SPAG17: variants seen among roughly 807,000 people sequenced by gnomAD.
SPAG17 encodes sperm associated antigen 17, also known as sperm-associated antigen 17.
SPAG17 carries 169 observed loss-of-function variants against 273.6 expected under a neutral mutation model. The observed-to-expected ratio is 0.62, with a 90% confidence interval of 0.55 to 0.70. The LOEUF (loss-of-function observed/expected upper bound fraction) is 0.70. Ranked by LOEUF, SPAG17 falls within the 30% of genes least tolerant of loss-of-function variation. The probability of loss-of-function intolerance (pLI) is 0.00; values close to 1 mark genes in which losing one functional copy is unlikely to be tolerated. For synonymous variants in SPAG17, 825 were observed against 873.2 expected, an observed-to-expected ratio of 0.94 and a Z score of 0.97; for missense variants, 2,557 against 2,627.8, an observed-to-expected ratio of 0.97 and a Z score of 0.59.
At chr1:118,096,667 C>T (rs1443359265) in intron 7 of SPAG17, among the ~76,000 whole-genome samples, 1 of 152,142 alleles carries the variant, frequency 6.6e-6, no homozygotes, top group African/African-American at 2.4e-5. Context: ...TGTTAAAAAG[C>T]CATCATGCAT....
chr1:118,115,187 G>C (rs1220227394), intron 4 of SPAG17, 123 bp downstream of exon 4: 2 of 1,100,388 alleles, frequency 1.8e-6, no homozygotes, highest in African/African-American at 3.2e-5. Flanking sequence ...TGAGGTGACA[G>C]CCAAATTTGC....
chr1:118,059,302 C>T (rs934059249), intron 18 of SPAG17, among the ~76,000 whole-genome samples: 1 of 152,100 alleles, frequency 6.6e-6, no homozygotes, highest in African/African-American at 2.4e-5. Flanking sequence ...ATTTAAATCT[C>T]TAACCAATTT....
At chr1:118,181,137 A>G (rs1660920483) in intron 1 of SPAG17, among the ~76,000 whole-genome samples, 1 of 152,104 alleles carries the variant, frequency 6.6e-6, no homozygotes, top group Non-Finnish European at 1.5e-5. Context: ...TATAGAATAT[A>G]CACAGAAGAA....
At chr1:118,003,322 A>T (rs1658521032) in intron 32 of SPAG17, among the ~76,000 whole-genome samples, 1 of 151,950 alleles carries the variant, frequency 6.6e-6, no homozygotes, top group Non-Finnish European at 1.5e-5. Flanking sequence ...CTTCTCGAGG[A>T]GTATCTTTGT....
intron 18 of SPAG17, among the ~76,000 whole-genome samples, chr1:118,062,906 T>C (rs1205737226): frequency 1.1e-4 from 16 of 152,158 alleles, no homozygotes; most frequent in Admixed American, 6.5e-4. Context: ...ATGTTACATC[T>C]CCACTATATC....
intron 7 of SPAG17, 79 bp from the exon 8 acceptor site, chr1:118,093,396 C>T: frequency 7.3e-7 from 1 of 1,363,278 alleles, no homozygotes; most frequent in Non-Finnish European, 9.9e-7. Flanking sequence ...TATCTCTTAA[C>T]AGTTATGCCC....
chr1:118,139,674 A>C (rs1034252745), intron 3 of SPAG17, among the ~76,000 whole-genome samples: 5 of 152,190 alleles, frequency 3.3e-5, no homozygotes, highest in African/African-American at 1.2e-4. Flanking sequence ...ATCAGAAAAC[A>C]TTATGCTAAG....
chr1:117,954,429 C>A, intron 48 of SPAG17: 1 of 717,290 alleles, frequency 1.4e-6, no homozygotes, highest in Non-Finnish European at 2.2e-6. Context: ...TAGAAACTAA[C>A]AGGTTTGATA....
At chr1:118,091,176 T>G (rs1419287243) in intron 10 of SPAG17, among the ~76,000 whole-genome samples, 1 of 152,150 alleles carries the variant, frequency 6.6e-6, no homozygotes, top group East Asian at 1.9e-4. Context: ...AATAAAATAC[T>G]TATTAAGACA....
At chr1:118,177,278 A>G (rs1459216652) in intron 1 of SPAG17, among the ~76,000 whole-genome samples, 1 of 152,200 alleles carries the variant, frequency 6.6e-6, no homozygotes, top group Non-Finnish European at 1.5e-5. Context: ...GCAAAGGCAC[A>G]TCTTACATGG....
intron 48 of SPAG17, chr1:117,962,354 T>C (rs900628331): frequency 6.6e-6 from 1 of 152,220 alleles, no homozygotes; most frequent in Non-Finnish European, 1.5e-5. Flanking sequence ...TCAGTATTCA[T>C]TGCCTTAGTC....
At position 118,031,776 on chromosome 1, in the gene SPAG17, G is replaced by T; in HGVS notation, c.3525C>A (p.Ser1175Arg). ...VVPVIVTVPQ[S>R]KAKGKIKGKE... is the part of the protein sequence containing the mutation. ...TGCCTTTTATTTTCCCTTTAGCTTT[G>T]CTTTGAGGAACGGTCACTATAACAG... The change falls in exon 25 of 49, where the codon AGC becomes AGA. Residue 1175 changes from serine (S) to arginine (R), a missense_variant. By Grantham distance (110) the Ser-to-Arg change is moderately radical (BLOSUM62 -1). Transcript: ENST00000336338. 1 of 1,613,632 alleles carries T rather than the reference G, an allele frequency of 6.2e-7. No individual in the cohort carries two copies. Among genetic ancestry groups the T allele is most frequent in the Non-Finnish European group, 8.5e-7 (1 of 1,179,766 alleles).
chr1:118,115,201 G>T, intron 4 of SPAG17, 109 bp downstream of exon 4: 1 of 1,321,076 alleles, frequency 7.6e-7, no homozygotes, highest in Non-Finnish European at 1.1e-6. Flanking sequence ...AATTTGCCAG[G>T]TAACACTTAA....
Position 117,992,517 on chromosome 1 carries a change from C to T in SPAG17, c.5310G>A (p.Gln1770=). ...PSVLQMRQFI[Q]HEVIKNEVKL... is the part of the protein sequence containing the mutation. ...TCACCTCATTCTTTATGACCTCATG[C>T]TGAATGAATTGGCGCATCTGTAGCA... is the stretch of plus-strand genomic sequence containing the variant. The change falls in exon 36 of 49, where the codon CAG becomes CAA. Residue 1770 remains glutamine (Q), a synonymous_variant. Coordinates refer to ENST00000336338, the MANE Select transcript of SPAG17 (RefSeq NM_206996.4). 6.2e-7 allele frequency: 1 copy of T among 1,613,546 alleles called. No individual in the cohort carries two copies. The highest frequency in any genetic ancestry group is 8.5e-7 in the Non-Finnish European group (1 of 1,179,788).
chr1:118,055,225 C>A (rs1271269464), intron 19 of SPAG17, among the ~76,000 whole-genome samples: 1 of 152,078 alleles, frequency 6.6e-6, no homozygotes, highest in Non-Finnish European at 1.5e-5. Context: ...CCTGTCAAGT[C>A]CCTGCCAGAG....
At chr1:118,002,734 G>A (rs1658437067) in intron 32 of SPAG17, among the ~76,000 whole-genome samples, 1 of 152,010 alleles carries the variant, frequency 6.6e-6, no homozygotes, top group Non-Finnish European at 1.5e-5. Context: ...CACATGAGAT[G>A]GGTCTCCTGA....
At chr1:117,987,434 A>G (rs1656544369) in intron 40 of SPAG17, among the ~76,000 whole-genome samples, 1 of 152,238 alleles carries the variant, frequency 6.6e-6, no homozygotes, top group Non-Finnish European at 1.5e-5. Context: ...TTGACAAGAC[A>G]GCTGGAGTTG....
intron 33 of SPAG17, 39 bp downstream of exon 33, chr1:117,996,559 C>T: frequency 6.2e-7 from 1 of 1,602,218 alleles, no homozygotes; most frequent in Non-Finnish European, 8.5e-7. Flanking sequence ...TCTCCTTGAA[C>T]TCAGAATTAA....
At chr1:118,115,558 C>T in intron 3 of SPAG17, 117 bp from the exon 4 acceptor site, 2 of 1,065,170 alleles carry the variant, frequency 1.9e-6, no homozygotes, top group South Asian at 3.8e-5. Flanking sequence ...AAAGATACTT[C>T]ATTGCTGGCT....
Sources: allele counts gnomAD v4.1 joint callset (sites outside exome capture counted in the v4.1 genomes callset), GRCh38; gene constraint gnomAD v4.1.1; transcripts MANE v1.5; gene names NCBI Gene and HGNC (gene_info 2026-07-23, HGNC 2026-07-21).